DMRT1: variants seen among roughly 807,000 people sequenced by gnomAD.
DMRT1 encodes the protein doublesex and mab-3 related transcription factor 1, also known as doublesex- and mab-3-related transcription factor 1.
In DMRT1, 7 loss-of-function variants were observed where a neutral mutation model predicts 32.3. That is an observed-to-expected ratio of 0.22 (90% CI 0.12 to 0.41). DMRT1 has a LOEUF of 0.41. DMRT1 is among the 10% of genes least tolerant of loss of function. The probability of loss-of-function intolerance (pLI) is 1.00; values close to 1 mark genes in which losing one functional copy is unlikely to be tolerated. For missense variants in DMRT1, 625 were observed against 500.5 expected (o/e 1.25, Z -2.37); for synonymous variants, 278 against 206.1 (o/e 1.35, Z -2.99).
At chr9:844,851 G>T (rs941774347) in intron 1 of DMRT1, among the ~76,000 whole-genome samples, 1 of 151,572 alleles carries the variant, frequency 6.6e-6, no homozygotes. Flanking sequence ...CTCCCGAGTA[G>T]CTGGGACTAC....
chr9:855,173 A>G (rs1815344808), intron 2 of DMRT1, among the ~76,000 whole-genome samples: 1 of 152,158 alleles, frequency 6.6e-6, no homozygotes, highest in Non-Finnish European at 1.5e-5. Flanking sequence ...TTGGTCAGAT[A>G]GAAACTTTCT....
chr9:912,045 C>T (rs1008595155), intron 3 of DMRT1, among the ~76,000 whole-genome samples: 13 of 152,132 alleles, frequency 8.5e-5, no homozygotes, highest in Non-Finnish European at 1.3e-4. Flanking sequence ...CTCACAGGTC[C>T]GCATGGCTGG....
intron 2 of DMRT1, 97 bp downstream of exon 2, chr9:847,240 T>C (rs545517513): frequency 1.6e-6 from 2 of 1,284,022 alleles, no homozygotes; most frequent in South Asian, 1.4e-5. Context: ...CTACATACAG[T>C]GTTTAGAGCT....
chr9:958,565 C>G (rs1158508695), intron 4 of DMRT1, among the ~76,000 whole-genome samples: 1 of 152,164 alleles, frequency 6.6e-6, no homozygotes, highest in Non-Finnish European at 1.5e-5. Context: ...CAGGGTTTCA[C>G]CATGTTGGAC....
In DMRT1 at chr9:921,675, T is replaced by A. The variant is rs1275382622; in HGVS notation, c.967+4768T>A. ...TTGTTTTCCATTTAAAAAAACAGTT[T>A]CCAGCCTGAGCAACATAGTGAGACC... On this transcript the variant is annotated intron_variant, in intron 4 of 4. Coordinates refer to ENST00000382276, the MANE Select transcript of DMRT1 (RefSeq NM_021951.3). Among the ~76,000 whole-genome samples, 3 of 152,132 alleles carry A rather than the reference T, an allele frequency of 2.0e-5. No homozygotes were observed. In the South Asian group the frequency reaches 6.2e-4, roughly 32 times the overall value.
intron 2 of DMRT1, among the ~76,000 whole-genome samples, chr9:849,123 T>C (rs1839033173): frequency 6.6e-6 from 1 of 151,750 alleles, no homozygotes; most frequent in African/African-American, 2.4e-5. Context: ...CATTTACAGA[T>C]AGGAAAACCA....
chr9:853,670 A>G (rs1487113024), intron 2 of DMRT1, among the ~76,000 whole-genome samples: 2 of 151,696 alleles, frequency 1.3e-5, no homozygotes, highest in African/African-American at 4.8e-5. Flanking sequence ...CACTCCCACT[A>G]ATTTTTATAT....
At chr9:907,876 C>A (rs1321852847) in intron 3 of DMRT1, among the ~76,000 whole-genome samples, 2 of 151,484 alleles carry the variant, frequency 1.3e-5, no homozygotes, top group Non-Finnish European at 2.9e-5. Context: ...ATATAACACA[C>A]ACTGACTGCA....
At chr9:942,830 C>A (rs959944763) in intron 4 of DMRT1, among the ~76,000 whole-genome samples, 1 of 151,214 alleles carries the variant, frequency 6.6e-6, no homozygotes, top group Admixed American at 6.6e-5. Flanking sequence ...TTTTGAACTT[C>A]TTTATTTATT....
chr9:936,712 C>A (rs1040585220), intron 4 of DMRT1, among the ~76,000 whole-genome samples: 3 of 149,958 alleles, frequency 2.0e-5, no homozygotes, highest in Non-Finnish European at 4.4e-5. Context: ...CGAGATCACA[C>A]CATTGCACTC....
intron 4 of DMRT1, among the ~76,000 whole-genome samples, chr9:925,373 C>T (rs957416757): frequency 1.3e-5 from 2 of 152,132 alleles, no homozygotes; most frequent in African/African-American, 4.8e-5. Context: ...TGGATTTATG[C>T]CATGTAGAAT....
chr9:934,818 G>A (rs1340018843), intron 4 of DMRT1, among the ~76,000 whole-genome samples: 2 of 152,160 alleles, frequency 1.3e-5, no homozygotes, highest in Non-Finnish European at 2.9e-5. Flanking sequence ...TGACACTTTC[G>A]ATGACTGTGG....
At chr9:896,751 T>A (rs1564232898) in intron 3 of DMRT1, among the ~76,000 whole-genome samples, 1 of 151,620 alleles carries the variant, frequency 6.6e-6, no homozygotes, top group Non-Finnish European at 1.5e-5. Flanking sequence ...AGGTGGAGGT[T>A]GCAGTGAGCA....
In DMRT1 at chr9:866,163, C is replaced by CAAAAAAAAA. The variant is rs71327351; in HGVS notation, c.538+19035_538+19043dup. On this transcript the variant is annotated intron_variant, in intron 2 of 4. Coordinates refer to ENST00000382276, the MANE Select transcript of DMRT1 (RefSeq NM_021951.3). The stretch of plus-strand genomic sequence containing the variant: ...TGGGTGACAGAGTGAGAGTCCATCT[C>CAAAAAAAAA]AAAAAAAAAAAAAAAAAAAAAAAGA... 1.9e-4 allele frequency among the ~76,000 whole-genome samples: 10 copies of CAAAAAAAAA among 52,632 alleles called. 1 individual carries two copies. Among genetic ancestry groups the CAAAAAAAAA allele is most frequent in the Admixed American group, 3.4e-4 (1 of 2,902 alleles). The allele number at this position is 52,632 out of a possible 152,430, so 34.5% of individuals were successfully genotyped here.
intron 4 of DMRT1, among the ~76,000 whole-genome samples, chr9:930,416 A>C (rs569011977): frequency 6.9e-6 from 1 of 145,530 alleles, no homozygotes; most frequent in Non-Finnish European, 1.5e-5. Flanking sequence ...TATTAAAAAA[A>C]TTTTTTTTTT....
intron 4 of DMRT1, among the ~76,000 whole-genome samples, chr9:949,341 C>T (rs1819353556): frequency 6.7e-6 from 1 of 149,486 alleles, no homozygotes; most frequent in Non-Finnish European, 1.5e-5. Context: ...TGCACTGAAG[C>T]CTGGGAGAGC....
rs549047016 is a variant in DMRT1, at chr9:846,634, G to A, written c.355-326G>A. 3.9e-5 allele frequency among the ~76,000 whole-genome samples: 6 copies of A among 152,292 alleles called. No individual in the cohort carries two copies. In the South Asian group the frequency reaches 1.2e-3, roughly 32 times the overall value. On this transcript the variant is annotated intron_variant, in intron 1 of 4. Transcript: ENST00000382276. ...CTTGCTCTGTCTCCCAGGCTGGAGTGCAGTGGTGCGATTATAGCCCACCGT... is the reference window on the plus strand; with the variant it reads ...CTTGCTCTGTCTCCCAGGCTGGAGTACAGTGGTGCGATTATAGCCCACCGT...
At chr9:944,390 T>C (rs532988966) in intron 4 of DMRT1, among the ~76,000 whole-genome samples, 3 of 152,294 alleles carry the variant, frequency 2.0e-5, no homozygotes, top group East Asian at 3.9e-4. Context: ...CCCTCCAGCA[T>C]CCTCACACAA....
intron 2 of DMRT1, among the ~76,000 whole-genome samples, chr9:877,411 AT>A (rs1360837711): frequency 2.0e-5 from 3 of 152,200 alleles, no homozygotes; most frequent in Non-Finnish European, 4.4e-5. Context: ...GTGGCTAAGC[AT>A]TTGGTGGGCA....
Sources: gnomAD v4.1 joint callset for allele counts (sites outside exome capture counted in the v4.1 genomes callset) on GRCh38, gnomAD v4.1.1 for gene constraint, MANE v1.5 for transcripts, NCBI Gene and HGNC (gene_info 2026-07-23, HGNC 2026-07-21) for gene names.